VAV3: variants seen among roughly 807,000 people sequenced by gnomAD.
VAV3 encodes the protein guanine nucleotide exchange factor VAV3.
A neutral mutation model predicts 131.2 loss-of-function variants in VAV3; 94 were observed. The observed-to-expected ratio is 0.72, with a 90% CI of 0.61 to 0.85. The LOEUF is 0.85. VAV3 is among the 40% of genes least tolerant of loss of function. VAV3 has a pLI of 0.00. For synonymous variants in VAV3, 349 were observed against 342.0 expected (o/e 1.02, Z -0.22); for missense variants, 939 against 1,002.7 (o/e 0.94, Z 0.86).
chr1:107,573,409 TTGTATC>T, intron 26 of VAV3, 37 bp from the exon 27 acceptor site: 1 of 1,612,942 alleles, frequency 6.2e-7, no homozygotes, highest in Non-Finnish European at 8.5e-7. Flanking sequence ...CAACATGACT[TTGTATC>T]TGACACTTCA....
At chr1:107,753,596 G>A (rs931604851) in intron 12 of VAV3, among the ~76,000 whole-genome samples, 1 of 144,564 alleles carries the variant, frequency 6.9e-6, no homozygotes, top group Admixed American at 7.0e-5. Flanking sequence ...GTCTCGCTCT[G>A]TTGCCTAGGC....
intron 1 of VAV3, among the ~76,000 whole-genome samples, chr1:107,930,149 T>C (rs558430620): frequency 1.1e-4 from 17 of 151,834 alleles, no homozygotes; most frequent in African/African-American, 4.1e-4. Context: ...TAGTAAAAAA[T>C]AATTGTACAT....
chr1:107,646,963 T>C (rs572879111), intron 19 of VAV3, among the ~76,000 whole-genome samples: 3 of 151,952 alleles, frequency 2.0e-5, no homozygotes, highest in Admixed American at 2.0e-4. Flanking sequence ...AAATGACACA[T>C]GTGCTTTTTT....
chr1:107,735,999 C>T (rs1271400894), intron 15 of VAV3, among the ~76,000 whole-genome samples: 1 of 152,108 alleles, frequency 6.6e-6, no homozygotes, highest in Non-Finnish European at 1.5e-5. Flanking sequence ...CATCAAAAAG[C>T]TTATCCACCA....
At chr1:107,928,430 A>G (rs1223692725) in intron 1 of VAV3, among the ~76,000 whole-genome samples, 2 of 152,230 alleles carry the variant, frequency 1.3e-5, no homozygotes, top group Non-Finnish European at 2.9e-5. Flanking sequence ...CCAAGGACCA[A>G]TCCTGGAGAA....
intron 1 of VAV3, among the ~76,000 whole-genome samples, chr1:107,950,532 C>T (rs1445127622): frequency 1.3e-5 from 2 of 152,104 alleles, no homozygotes; most frequent in Non-Finnish European, 2.9e-5. Flanking sequence ...TGTTATGAGG[C>T]ACTGCAAAGA....
chr1:107,757,110 T>G, intron 11 of VAV3, 151 bp downstream of exon 11: 1 of 493,176 alleles, frequency 2.0e-6, no homozygotes, highest in Non-Finnish European at 3.4e-6. Flanking sequence ...TAATATTTTA[T>G]TTATGTGTAT....
At chr1:107,632,101 A>T (rs373475535) in intron 20 of VAV3, among the ~76,000 whole-genome samples, 17 of 152,306 alleles carry the variant, frequency 1.1e-4, no homozygotes, top group African/African-American at 4.1e-4. Context: ...CCAACAGTGT[A>T]AAAGTGTAAC....
intron 2 of VAV3, among the ~76,000 whole-genome samples, chr1:107,841,699 T>G (rs1022175112): frequency 6.6e-6 from 1 of 152,214 alleles, no homozygotes. Flanking sequence ...TATGCTAAAA[T>G]GACTAAATGA....
rs72981429 is a variant in VAV3, at chr1:107,788,756, C to G, written c.322-9264G>C. 3.9e-3 allele frequency among the ~76,000 whole-genome samples: 599 copies of G among 152,230 alleles called. 2 individuals carry two copies. The highest frequency in any genetic ancestry group is 0.014 in the African/African-American group (576 of 41,538). On this transcript the variant is annotated intron_variant, in intron 2 of 26. Coordinates refer to ENST00000370056, the MANE Select transcript of VAV3 (RefSeq NM_006113.5). ...CTGTTAGAGTGTGTTAAACTTAGTA[C>G]GCAAATGATAAAGAATTGTTAGTAC...
At chr1:107,848,700 A>C (rs115827016) in intron 2 of VAV3, among the ~76,000 whole-genome samples, 47,332 of 151,978 alleles carry the variant, frequency 0.31, 7,652 homozygotes, top group African/African-American at 0.38. Context: ...TCCTATTCAA[A>C]GCAATATTGG....
chr1:107,710,742 C>A (rs116365088), intron 15 of VAV3, among the ~76,000 whole-genome samples: 1 of 151,964 alleles, frequency 6.6e-6, no homozygotes, highest in Non-Finnish European at 1.5e-5. Flanking sequence ...GATAGTTTAT[C>A]GCCAGGATAG....
At chr1:107,817,142 A>C (rs1239213673) in intron 2 of VAV3, among the ~76,000 whole-genome samples, 1 of 152,242 alleles carries the variant, frequency 6.6e-6, no homozygotes, top group Non-Finnish European at 1.5e-5. Flanking sequence ...CTGGGGAAAG[A>C]CACATATCTG....
At chr1:107,586,157 T>C (rs79425348) in intron 25 of VAV3, among the ~76,000 whole-genome samples, 198 of 110,556 alleles carry the variant, frequency 1.8e-3, no homozygotes, top group African/African-American at 5.7e-3. Flanking sequence ...TTTTTTTTTT[T>C]CCCAGAGCGC....
chr1:107,717,190 T>C (rs981810644), intron 15 of VAV3, among the ~76,000 whole-genome samples: 3 of 152,174 alleles, frequency 2.0e-5, no homozygotes, highest in African/African-American at 7.2e-5. Flanking sequence ...GAAAACCAGC[T>C]CCTGGACTCA....
At chr1:107,576,433 T>C in intron 25 of VAV3, 2 of 1,524,578 alleles carry the variant, frequency 1.3e-6, no homozygotes, top group Non-Finnish European at 1.8e-6. Flanking sequence ...AAAGCTGTAG[T>C]CTGGAGGAGT....
At chr1:107,895,090 G>A (rs959504230) in intron 1 of VAV3, among the ~76,000 whole-genome samples, 2 of 152,014 alleles carry the variant, frequency 1.3e-5, no homozygotes, top group African/African-American at 2.4e-5. Context: ...AAGGGACTGA[G>A]TTTCTTGTCC....
intron 2 of VAV3, among the ~76,000 whole-genome samples, chr1:107,808,678 T>C (rs77241154): frequency 0.018 from 2,767 of 152,080 alleles, 98 homozygotes; most frequent in African/African-American, 0.064. Flanking sequence ...TCTGAAGTGT[T>C]GCCCCAATGA....
At chr1:107,902,742 G>T (rs1341684112) in intron 1 of VAV3, among the ~76,000 whole-genome samples, 2 of 152,150 alleles carry the variant, frequency 1.3e-5, no homozygotes, top group East Asian at 1.9e-4. Flanking sequence ...GAGAGGGGAA[G>T]GAGAGCGAAG....
Sources: allele counts gnomAD v4.1 joint callset (sites outside exome capture counted in the v4.1 genomes callset), GRCh38; gene constraint gnomAD v4.1.1; transcripts MANE v1.5; gene names NCBI Gene and HGNC (gene_info 2026-07-23, HGNC 2026-07-21).